GRHL2: variants seen among roughly 807,000 people sequenced by gnomAD.
The protein encoded by GRHL2 is grainyhead-like protein 2 homolog.
GRHL2 carries 21 observed loss-of-function variants against 83.8 expected under a neutral mutation model. The observed-to-expected ratio is 0.25, with a 90% CI of 0.18 to 0.36. The LOEUF (loss-of-function observed/expected upper bound fraction) is 0.36, where lower values mean the gene tolerates loss of function less well. GRHL2 is among the 10% of genes least tolerant of loss of function. GRHL2 has a pLI of 1.00. For missense variants in GRHL2, 623 were observed against 781.8 expected, an observed-to-expected ratio of 0.80 and a Z score of 2.42; for synonymous variants, 280 against 278.9, an observed-to-expected ratio of 1.00 and a Z score of -0.04.
At chr8:101,498,057 G>T (rs1345885481) in intron 1 of GRHL2, among the ~76,000 whole-genome samples, 1 of 152,274 alleles carries the variant, frequency 6.6e-6, no homozygotes, top group East Asian at 1.9e-4. Flanking sequence ...TCTAGCTAGG[G>T]TTTCTGGCTG....
chr8:101,552,018 G>T (rs1332957732), intron 2 of GRHL2, among the ~76,000 whole-genome samples: 1 of 151,982 alleles, frequency 6.6e-6, no homozygotes, highest in East Asian at 1.9e-4. Flanking sequence ...TGTATTTTTA[G>T]TAGAGACGGG....
At chr8:101,621,182 C>T (rs1020248162) in intron 9 of GRHL2, among the ~76,000 whole-genome samples, 1 of 152,098 alleles carries the variant, frequency 6.6e-6, no homozygotes, top group Non-Finnish European at 1.5e-5. Context: ...GCAGTTGAAT[C>T]CCATACAATG....
intron 2 of GRHL2, 97 bp from the exon 3 acceptor site, chr8:101,552,618 T>A (rs1811407237): frequency 2.7e-6 from 3 of 1,097,662 alleles, no homozygotes; most frequent in Non-Finnish European, 4.2e-6. Context: ...CTGGAGAACA[T>A]TCCATTTTGG....
rs532954608 is a variant in GRHL2 at position 101,640,043 on chromosome 8, G to T, written c.1517+3115G>T. 1.2e-4 allele frequency among the ~76,000 whole-genome samples: 19 copies of T among 152,340 alleles called. No individual in the cohort carries two copies. In the South Asian group the frequency reaches 3.9e-3, roughly 32 times the overall value. On this transcript the variant is annotated intron_variant, in intron 12 of 15. Coordinates refer to ENST00000646743, the MANE Select transcript of GRHL2 (RefSeq NM_024915.4). ...CTCTGCATTACCAGTCTGGTAGGCA[G>T]GGGATATGACAGTTAGAAACAGTCT... is the stretch of plus-strand genomic sequence containing the variant.
At chr8:101,673,242 A>G (rs1395433252), downstream of GRHL2, among the ~76,000 whole-genome samples, 1 of 152,164 alleles carries the variant, frequency 6.6e-6, no homozygotes, top group East Asian at 1.9e-4. Flanking sequence ...TGCTCCAATT[A>G]AAAGACACAG....
In GRHL2 at chr8:101,628,496, G is replaced by T. The variant is rs114872765; in HGVS notation, c.1258-3141G>T. 4.2e-3 allele frequency among the ~76,000 whole-genome samples: 635 copies of T among 152,096 alleles called. 5 individuals are homozygous for T. The highest frequency in any genetic ancestry group is 0.014 in the African/African-American group (592 of 41,500). Reference sequence around the variant, plus strand: ...GGGGATGTACAAAAAGATTAATATTGTTTTCATGCCTGCTAACACAACAAC... The same window carrying T: ...GGGGATGTACAAAAAGATTAATATTTTTTTCATGCCTGCTAACACAACAAC... On this transcript the variant is annotated intron_variant, in intron 9 of 15. Transcript: ENST00000646743.
chr8:101,680,601 AC>A, the GRHL2 span, among the ~76,000 whole-genome samples: 1 of 121,264 alleles, frequency 8.2e-6, no homozygotes, highest in Non-Finnish European at 1.7e-5. Context: ...AGAACTCTCC[AC>A]CCCAAATCAA....
Position 101,619,633 on chromosome 8 carries a change from A to G in GRHL2, c.1193A>G (p.Tyr398Cys). ...ATGATTCAGATTGACACATACAGTT[A>G]TAACAATCGTAGCAATAAACCCATT... ...PLMIQIDTYS[Y>C]NNRSNKPIHR... The change falls in exon 9 of 16, where the codon TAT (tyrosine) becomes TGT (cysteine). Residue 398 changes from tyrosine (Y) to cysteine (C), a missense_variant. Physicochemically the swap from Tyr to Cys is radical, Grantham distance 194 (BLOSUM62 -2). Around this residue, in one of 8 missense-constraint regions of GRHL2, gnomAD observed 24 missense variants for 25.5 expected, o/e 0.94. Transcript: ENST00000646743. The G allele has an allele frequency of 6.2e-7, 1 of 1,613,202 alleles. No individual in the cohort carries two copies.
At chr8:101,522,801 G>A (rs1183463547) in intron 1 of GRHL2, among the ~76,000 whole-genome samples, 1 of 146,954 alleles carries the variant, frequency 6.8e-6, no homozygotes, top group Admixed American at 6.8e-5. Context: ...GAGTTGTTTT[G>A]GAATTGAAGT....
At chr8:101,601,438 G>A (rs1812512785) in intron 8 of GRHL2, among the ~76,000 whole-genome samples, 2 of 152,180 alleles carry the variant, frequency 1.3e-5, no homozygotes. Flanking sequence ...GATAGTTAAT[G>A]TGGAGTTGAG....
chr8:101,530,776 T>C (rs1810907946), intron 1 of GRHL2, among the ~76,000 whole-genome samples: 1 of 152,240 alleles, frequency 6.6e-6, no homozygotes, highest in African/African-American at 2.4e-5. Flanking sequence ...AACTCCGCTT[T>C]TGCATAATTT....
chr8:101,570,475 CT>C, intron 5 of GRHL2, 81 bp downstream of exon 5: 5 of 1,161,158 alleles, frequency 4.3e-6, no homozygotes, highest in Non-Finnish European at 5.2e-6. Flanking sequence ...ACCTTTAAAC[CT>C]TTTTTCTTTG....
intron 9 of GRHL2, among the ~76,000 whole-genome samples, 175 bp from the exon 10 acceptor site, chr8:101,631,462 T>A (rs1338905890): frequency 6.6e-6 from 1 of 152,232 alleles, no homozygotes; most frequent in African/African-American, 2.4e-5. Context: ...TATAGACTTA[T>A]GAGTGGTCTT....
intron 14 of GRHL2, among the ~76,000 whole-genome samples, chr8:101,658,213 C>T (rs759447773): frequency 1.3e-5 from 2 of 152,296 alleles, no homozygotes; most frequent in Middle Eastern, 3.4e-3. Flanking sequence ...AGGTTTCTGC[C>T]AGTTGCTTCT....
chr8:101,593,638 C>T (rs987281374), intron 7 of GRHL2, among the ~76,000 whole-genome samples: 3 of 152,096 alleles, frequency 2.0e-5, no homozygotes, highest in African/African-American at 2.4e-5. Flanking sequence ...GATATGTCCT[C>T]GTCCTAACTC....
In GRHL2 at chr8:101,529,335, A is replaced by G. The variant is rs182385786; in HGVS notation, c.21-13906A>G. The G allele has an allele frequency of 2.6e-3, 480 of 181,456 alleles. 1 individual carries two copies. The highest frequency in any genetic ancestry group is 4.6e-3 in the Non-Finnish European group (407 of 88,398). 11.2% of individuals were successfully genotyped at this position (181,456 alleles called of 1,614,324 possible). ...GTAGTCCCAGCTACTCGGGAGACTG[A>G]GGCAGGATAATCGCTTGAACCCGGG... On this transcript the variant is annotated intron_variant, in intron 1 of 15. Coordinates refer to ENST00000646743, the MANE Select transcript of GRHL2 (RefSeq NM_024915.4).
chr8:101,661,103 G>A (rs966114072), intron 14 of GRHL2, among the ~76,000 whole-genome samples: 8 of 152,088 alleles, frequency 5.3e-5, no homozygotes, highest in South Asian at 2.1e-4. Context: ...ACACAAATTC[G>A]TAAACTTTCT....
chr8:101,547,620 C>T (rs1263995364), intron 2 of GRHL2, among the ~76,000 whole-genome samples: 1 of 152,204 alleles, frequency 6.6e-6, no homozygotes, highest in Non-Finnish European at 1.5e-5. Context: ...TTTTATAGTT[C>T]ATGCAACTCA....
chr8:101,652,458 G>GGTGTGTGT (rs1319466702), intron 14 of GRHL2, among the ~76,000 whole-genome samples: 1 of 50,402 alleles, frequency 2.0e-5, no homozygotes, highest in African/African-American at 1.1e-4. Flanking sequence ...GTGTGTGTCT[G>GGTGTGTGT]GTGTGTGTGG....
Sources: gnomAD v4.1 joint callset for allele counts (sites outside exome capture counted in the v4.1 genomes callset) on GRCh38, gnomAD v4.1.1 for gene constraint, gnomAD v4.1.1 regional missense constraint, MANE v1.5 for transcripts, NCBI Gene and HGNC (gene_info 2026-07-23, HGNC 2026-07-21) for gene names.